The following EVA1A variants were observed in gnomAD, a reference collection of about 807,000 sequenced individuals.
EVA1A encodes eva-1 homolog A, regulator of programmed cell death, also known as protein eva-1 homolog A.
Under a neutral mutation model 9.8 loss-of-function variants are expected in EVA1A, and 7 were observed. The observed-to-expected ratio is 0.71, with a 90% CI of 0.41 to 1.34. EVA1A has a LOEUF of 1.34. Among genes scored for constraint, EVA1A ranks in the 40% most tolerant of loss-of-function variants. The pLI, the probability that EVA1A is intolerant of heterozygous loss-of-function variation, is 0.01. For synonymous variants in EVA1A, 90 were observed against 85.6 expected (o/e 1.05, Z -0.28); for missense variants, 206 against 205.9 (o/e 1.00, Z 0.00).
At chr2:75,537,608 T>A (rs779869442) in intron 1 of EVA1A, among the ~76,000 whole-genome samples, 2 of 152,194 alleles carry the variant, frequency 1.3e-5, no homozygotes, top group Non-Finnish European at 2.9e-5. Flanking sequence ...ATGGACATTG[T>A]CCTTCCAAAT....
At chr2:75,508,436 G>T (rs1465617067) in intron 3 of EVA1A, among the ~76,000 whole-genome samples, 9 of 152,108 alleles carry the variant, frequency 5.9e-5, no homozygotes, top group Non-Finnish European at 1.0e-4. Context: ...ATAGACCCCA[G>T]TCTCCTATAG....
chr2:75,536,155 T>C (rs778679440), intron 1 of EVA1A, among the ~76,000 whole-genome samples: 19 of 152,080 alleles, frequency 1.2e-4, no homozygotes, highest in South Asian at 2.1e-4. Context: ...CTGGGCAACA[T>C]GGCAAAACCC....
chr2:75,523,398 C>A (rs896376716), intron 1 of EVA1A, among the ~76,000 whole-genome samples: 1 of 152,208 alleles, frequency 6.6e-6, no homozygotes, highest in African/African-American at 2.4e-5. Context: ...AACTATCAGG[C>A]ACTGACCCTA....
At chr2:75,554,144 G>A (rs190995995) in intron 1 of EVA1A, among the ~76,000 whole-genome samples, 5 of 152,292 alleles carry the variant, frequency 3.3e-5, no homozygotes, top group Non-Finnish European at 1.5e-5. Flanking sequence ...AAGATCCCCT[G>A]AAGTCTGCTC....
chr2:75,525,544 G>A (rs975061655), intron 1 of EVA1A, among the ~76,000 whole-genome samples: 8 of 152,132 alleles, frequency 5.3e-5, no homozygotes, highest in African/African-American at 1.9e-4. Context: ...GCTGTTGAGG[G>A]GGCTCTTGTG....
chr2:75,518,716 C>T (rs1675126366), intron 2 of EVA1A: 22 of 987,164 alleles, frequency 2.2e-5, no homozygotes, highest in Non-Finnish European at 2.6e-5. Context: ...ATCATCGTCA[C>T]ATTCATCACT....
chr2:75,516,679 G>A (rs775002599), intron 3 of EVA1A, among the ~76,000 whole-genome samples: 7 of 152,204 alleles, frequency 4.6e-5, no homozygotes, highest in Admixed American at 4.6e-4. Flanking sequence ...GCTCTCATGC[G>A]AGACATATTT....
chr2:75,552,271 A>C (rs1392370042), intron 1 of EVA1A, among the ~76,000 whole-genome samples: 1 of 152,064 alleles, frequency 6.6e-6, no homozygotes, highest in African/African-American at 2.4e-5. Flanking sequence ...CCCACTAGCC[A>C]TCTCTCCCTA....
intron 1 of EVA1A, among the ~76,000 whole-genome samples, chr2:75,528,376 G>T (rs528023468): frequency 4.9e-4 from 75 of 152,262 alleles, no homozygotes; most frequent in Non-Finnish European, 8.7e-4. Context: ...TTGTAGCCTG[G>T]GGCAAGATCT....
At chr2:75,560,211 G>T (rs752387570) in intron 1 of EVA1A, among the ~76,000 whole-genome samples, 33 of 152,104 alleles carry the variant, frequency 2.2e-4, no homozygotes, top group Non-Finnish European at 4.3e-4. Context: ...CGCCAAATGC[G>T]CGCGGCGAGT....
chr2:75,567,596 G>C (rs1311757839), intron 1 of EVA1A, among the ~76,000 whole-genome samples: 1 of 152,136 alleles, frequency 6.6e-6, no homozygotes, highest in African/African-American at 2.4e-5. Flanking sequence ...ATTATTGAAG[G>C]GGTCCCAAAT....
intron 1 of EVA1A, among the ~76,000 whole-genome samples, chr2:75,528,192 AAG>A (rs1675519461): frequency 6.6e-6 from 1 of 152,188 alleles, no homozygotes; most frequent in African/African-American, 2.4e-5. Flanking sequence ...CACGGGGAGA[AAG>A]AGACTTGCAG....
intron 2 of EVA1A, among the ~76,000 whole-genome samples, chr2:75,521,842 C>G (rs553181168): frequency 5.3e-5 from 8 of 152,026 alleles, no homozygotes; most frequent in Non-Finnish European, 1.2e-4. Flanking sequence ...ATGTATTTTA[C>G]CACAATTTAA....
chr2:75,547,599 C>T (rs778049410), intron 1 of EVA1A, among the ~76,000 whole-genome samples: 3 of 152,204 alleles, frequency 2.0e-5, no homozygotes, highest in Admixed American at 6.5e-5. Context: ...AATCAGTCCA[C>T]TGAGCATTAA....
intron 3 of EVA1A, among the ~76,000 whole-genome samples, chr2:75,495,296 G>A (rs1184347140): frequency 6.6e-6 from 1 of 152,196 alleles, no homozygotes; most frequent in East Asian, 1.9e-4. Flanking sequence ...GAAGCACATT[G>A]TGGGGGCAAC....
At chr2:75,557,984 A>G (rs1053487630) in intron 1 of EVA1A, among the ~76,000 whole-genome samples, 20 of 152,234 alleles carry the variant, frequency 1.3e-4, no homozygotes, top group Non-Finnish European at 2.6e-4. Flanking sequence ...TTACCCGCAT[A>G]GTGTAAAGAG....
chr2:75,564,838 G>T (rs1676996486), upstream of EVA1A, among the ~76,000 whole-genome samples: 1 of 152,168 alleles, frequency 6.6e-6, no homozygotes, highest in African/African-American at 2.4e-5. Context: ...ATATTTACTA[G>T]TTTTTGCTTC....
chr2:75,515,924 A>G (rs1254473314), intron 3 of EVA1A, among the ~76,000 whole-genome samples: 1 of 152,198 alleles, frequency 6.6e-6, no homozygotes, highest in East Asian at 1.9e-4. Flanking sequence ...GGATTTACTC[A>G]GAGTTGGGGT....
intron 1 of EVA1A, among the ~76,000 whole-genome samples, chr2:75,539,577 G>T (rs1041190155): frequency 1.3e-5 from 2 of 152,146 alleles, no homozygotes; most frequent in Non-Finnish European, 2.9e-5. Flanking sequence ...GGAATTGGTG[G>T]CAGTGGTGAA....
Sources: gnomAD v4.1 joint callset for allele counts (sites outside exome capture counted in the v4.1 genomes callset) on GRCh38, gnomAD v4.1.1 for gene constraint, MANE v1.5 for transcripts, NCBI Gene and HGNC (gene_info 2026-07-23, HGNC 2026-07-21) for gene names.